The following ALDH1L1 variants were observed in gnomAD, a reference collection of about 807,000 sequenced individuals.
ALDH1L1 encodes cytosolic 10-formyltetrahydrofolate dehydrogenase.
Under a neutral mutation model 101.1 loss-of-function variants are expected in ALDH1L1, and 68 were observed. The observed-to-expected ratio is 0.67, with a 90% CI of 0.55 to 0.82. ALDH1L1 has a LOEUF of 0.82. ALDH1L1 is among the 40% of genes least tolerant of loss of function. The pLI is 0.00. For synonymous variants in ALDH1L1, 486 were observed against 470.8 expected, an observed-to-expected ratio of 1.03 and a Z score of -0.42; for missense variants, 1,087 against 1,172.7, an observed-to-expected ratio of 0.93 and a Z score of 1.07.
intron 1 of ALDH1L1, among the ~76,000 whole-genome samples, chr3:126,190,472 A>C (rs1338832856): frequency 6.6e-6 from 1 of 152,222 alleles, no homozygotes; most frequent in Non-Finnish European, 1.5e-5. Flanking sequence ...CAGGGCCTCC[A>C]TGGGTCCACA....
chr3:126,130,439 G>T, intron 13 of ALDH1L1, 146 bp from the exon 14 acceptor site: 1 of 610,728 alleles, frequency 1.6e-6, no homozygotes, highest in Non-Finnish European at 2.5e-6. Context: ...AGGCAGGGGG[G>T]CAGCCAGAGG....
chr3:126,160,575 G>A (rs1267415311), intron 2 of ALDH1L1: 5 of 415,044 alleles, frequency 1.2e-5, no homozygotes, highest in African/African-American at 6.1e-5. Context: ...GAAGCTCTGT[G>A]TGGGACCTGG....
intron 1 of ALDH1L1, among the ~76,000 whole-genome samples, chr3:126,193,603 G>C (rs538803903): frequency 1.3e-5 from 2 of 151,976 alleles, no homozygotes; most frequent in African/African-American, 4.8e-5. Context: ...TGTTTCTTTC[G>C]GCTGGGCTCA....
rs545491916 is a variant in ALDH1L1, at chr3:126,159,344, T to G, written c.128-705A>C. 4.8e-5 allele frequency: 21 copies of G among 434,796 alleles called. No homozygotes were observed. In the East Asian group the frequency reaches 1.4e-3, roughly 29 times the overall value. The allele number at this position is 434,796 out of a possible 1,614,324, so 26.9% of individuals were successfully genotyped here. On this transcript the variant is annotated intron_variant, in intron 2 of 22. Transcript: ENST00000393434. ...TGGATTACAGGCCCAAGCTCCCAAG[T>G]TTTTATAGTTAAAGCGTCCTCCTTT...
chr3:126,112,285 C>T (rs1394224922), intron 19 of ALDH1L1, among the ~76,000 whole-genome samples: 2 of 152,208 alleles, frequency 1.3e-5, no homozygotes, highest in East Asian at 3.9e-4. Flanking sequence ...TGGCGGCCCA[C>T]AGCCAAGCCT....
At chr3:126,166,151 A>G (rs1222913430) in intron 1 of ALDH1L1, among the ~76,000 whole-genome samples, 1 of 151,212 alleles carries the variant, frequency 6.6e-6, no homozygotes, top group African/African-American at 2.4e-5. Context: ...TTTAAACCGC[A>G]CCCCTCGTCC....
intron 3 of ALDH1L1, 26 bp downstream of exon 3, chr3:126,158,379 C>A (rs908461236): frequency 1.3e-6 from 2 of 1,527,366 alleles, no homozygotes; most frequent in Admixed American, 1.9e-5. Context: ...ATGGGGATGG[C>A]CCCCTGTGTT....
rs1340274090 is a variant in ALDH1L1 at position 126,158,555 on chromosome 3, G to A, written c.212C>T (p.Ala71Val). The change falls in exon 3 of 23, where the codon GCA becomes GTA. Residue 71 changes from alanine (A) to valine (V), a missense_variant. Coordinates refer to ENST00000393434, the MANE Select transcript of ALDH1L1 (RefSeq NM_012190.4). ...AKGQALPDVV[A>V]KYQALGAELN... is the part of the protein sequence containing the mutation. ...CTCGGCCCCCAAAGCCTGGTATTTTGCCACCACATCAGGCAAAGCCTGTCC... is the reference window on the plus strand; with the variant it reads ...CTCGGCCCCCAAAGCCTGGTATTTTACCACCACATCAGGCAAAGCCTGTCC... The A allele has an allele frequency of 6.2e-7, 1 of 1,614,096 alleles. No individual in the cohort carries two copies. The highest frequency in any genetic ancestry group is 1.3e-5 in the African/African-American group (1 of 74,942).
At chr3:126,130,148 G>A (rs571235830) in intron 14 of ALDH1L1, 75 bp downstream of exon 14, 14 of 1,386,306 alleles carry the variant, frequency 1.0e-5, no homozygotes, top group East Asian at 7.9e-5. Context: ...GTGAGCTCCC[G>A]CAGGCTGTGC....
chr3:126,150,543 A>G lies in ALDH1L1; in HGVS notation c.859-12T>C, dbSNP rs1236190528. 1.5e-5 allele frequency: 24 copies of G among 1,548,862 alleles called. No homozygotes were observed. Among genetic ancestry groups the G allele is most frequent in the Non-Finnish European group, 1.7e-5 (20 of 1,145,844 alleles). Reference sequence around the variant, plus strand: ...TTCTTCACCAGCAGCTGCAAAAGGAAGGATTTCTTTTCTTTTCTTTTCTTT... The same window carrying G: ...TTCTTCACCAGCAGCTGCAAAAGGAGGGATTTCTTTTCTTTTCTTTTCTTT... On this transcript the variant is annotated splice_polypyrimidine_tract_variant and intron_variant, in intron 7 of 22. Coordinates refer to ENST00000393434, the MANE Select transcript of ALDH1L1 (RefSeq NM_012190.4).
chr3:126,147,045 T>C, intron 8 of ALDH1L1, 119 bp from the exon 9 acceptor site: 1 of 918,816 alleles, frequency 1.1e-6, no homozygotes, highest in Non-Finnish European at 1.6e-6. Context: ...GGCTTCTCTA[T>C]GTACCTCCAA....
intron 9 of ALDH1L1, among the ~76,000 whole-genome samples, chr3:126,139,047 G>A (rs1009149683): frequency 1.3e-5 from 2 of 152,352 alleles, no homozygotes; most frequent in East Asian, 3.9e-4. Context: ...GCAGGGCTGG[G>A]TCATATTCCA....
intron 16 of ALDH1L1, among the ~76,000 whole-genome samples, chr3:126,121,141 G>T (rs2080072340): frequency 4.6e-5 from 7 of 152,230 alleles, no homozygotes; most frequent in Admixed American, 4.6e-4. Context: ...CAAGATGAAA[G>T]CACAGATCGG....
chr3:126,159,237 C>T (rs1315748606), intron 2 of ALDH1L1: 8 of 365,826 alleles, frequency 2.2e-5, no homozygotes, highest in African/African-American at 1.5e-4. Flanking sequence ...CACACACACA[C>T]ACACACACAC....
intron 12 of ALDH1L1, among the ~76,000 whole-genome samples, chr3:126,134,700 T>C (rs2080389402): frequency 6.6e-6 from 1 of 152,204 alleles, no homozygotes; most frequent in Non-Finnish European, 1.5e-5. Flanking sequence ...CAGAAGCCAT[T>C]CTGACCGCAA....
chr3:126,189,393 C>T (rs2081539521), intron 1 of ALDH1L1, among the ~76,000 whole-genome samples: 1 of 152,136 alleles, frequency 6.6e-6, no homozygotes, highest in Non-Finnish European at 1.5e-5. Context: ...CATCTGCTTC[C>T]AGGAAAATTT....
At chr3:126,140,761 G>A (rs2080550972) in intron 9 of ALDH1L1, among the ~76,000 whole-genome samples, 1 of 151,658 alleles carries the variant, frequency 6.6e-6, no homozygotes, top group Admixed American at 6.6e-5. Context: ...TAATCCCTAA[G>A]TAACAACCCA....
chr3:126,113,972 T>C (rs1373105870), intron 18 of ALDH1L1, among the ~76,000 whole-genome samples: 1 of 152,190 alleles, frequency 6.6e-6, no homozygotes, highest in Non-Finnish European at 1.5e-5. Flanking sequence ...AGAGGTTAGG[T>C]AACTTGCTCA....
chr3:126,107,382 G>A lies in ALDH1L1; in HGVS notation c.2348-136C>T. On this transcript the variant is annotated intron_variant, in intron 20 of 22. Coordinates refer to ENST00000393434, the MANE Select transcript of ALDH1L1 (RefSeq NM_012190.4). ...AAGCACCGGGTCACGGCACCCGTGT[G>A]ATGGGTGTCACCACGCTGCAGATGG... 4.4e-6 allele frequency: 3 copies of A among 681,978 alleles called. No individual in the cohort carries two copies. In the South Asian group the frequency reaches 4.9e-5, roughly 11 times the overall value. 42.2% of individuals were successfully genotyped at this position (681,978 alleles called of 1,614,324 possible).
Sources: allele counts gnomAD v4.1 joint callset (sites outside exome capture counted in the v4.1 genomes callset), GRCh38; gene constraint gnomAD v4.1.1; transcripts MANE v1.5; gene names NCBI Gene and HGNC (gene_info 2026-07-23, HGNC 2026-07-21).